The following CD2AP variants were observed in gnomAD, a reference collection of about 807,000 sequenced individuals.
CD2AP encodes the protein CD2 associated protein.
CD2AP carries 46 observed loss-of-function variants against 85.1 expected under a neutral mutation model. The ratio of observed to expected loss-of-function variants is 0.54; its 90% CI spans 0.43 to 0.69. The LOEUF is 0.69. CD2AP is among the 30% of genes least tolerant of loss of function. The probability of loss-of-function intolerance (pLI) is 0.00; values close to 1 mark genes in which losing one functional copy is unlikely to be tolerated. For synonymous variants in CD2AP, 255 were observed against 252.9 expected (o/e 1.01, Z -0.08); for missense variants, 769 against 729.5 (o/e 1.05, Z -0.62).
At chr6:47,540,221 G>GT (rs888056941) in intron 3 of CD2AP, among the ~76,000 whole-genome samples, 50 of 149,764 alleles carry the variant, frequency 3.3e-4, no homozygotes, top group African/African-American at 1.0e-3. Context: ...TAGTTACAGT[G>GT]TTTTTTTTAA....
intron 17 of CD2AP, among the ~76,000 whole-genome samples, chr6:47,619,912 C>T (rs976910564): frequency 3.7e-4 from 56 of 151,910 alleles, no homozygotes; most frequent in African/African-American, 1.1e-3. Context: ...CTTTTTGATG[C>T]GATTGTTTTT....
At chr6:47,581,873 A>C in intron 10 of CD2AP, 130 bp from the exon 11 acceptor site, 1 of 671,324 alleles carries the variant, frequency 1.5e-6, no homozygotes. Flanking sequence ...ATTCCGGTAC[A>C]TTGTTCTTTC....
chr6:47,523,098 G>C lies in CD2AP; in HGVS notation c.166-10504G>C, dbSNP rs1463120580. Reference sequence around the variant, plus strand: ...TAAAAATCTTTTGCTTTATGAAACTGTTAGATCTTTTGGATGGATGTCAGT... The same window carrying C: ...TAAAAATCTTTTGCTTTATGAAACTCTTAGATCTTTTGGATGGATGTCAGT... On this transcript the variant is annotated intron_variant, in intron 2 of 17. Coordinates refer to ENST00000359314, the MANE Select transcript of CD2AP (RefSeq NM_012120.3). Among the ~76,000 whole-genome samples, 7 of 152,118 alleles carry C rather than the reference G, an allele frequency of 4.6e-5. 1 individual carries two copies. Among genetic ancestry groups the C allele is most frequent in the Admixed American group, 4.6e-4 (7 of 15,274 alleles).
At position 47,490,794 on chromosome 6, in the gene CD2AP, AAG is replaced by A. The variant is rs1255077723; in HGVS notation, c.5-12483_5-12482del. The stretch of plus-strand genomic sequence containing the variant: ...CTCTTTTTCTCTTTGGATATGTGCT[AAG>A]AGTGTATTGTACTATGCAAACCTTT... On this transcript the variant is annotated intron_variant, in intron 1 of 17. Transcript: ENST00000359314. Among the ~76,000 whole-genome samples, 13 of 152,236 alleles carry A rather than the reference AAG, an allele frequency of 8.5e-5. No individual in the cohort carries two copies. The East Asian group carries it at 2.3e-3, about 27-fold the overall frequency.
rs1002564845 is a variant in CD2AP at position 47,624,537 on chromosome 6, A to G, written c.*310A>G. ...CAGTAGTTTTTTTATTGAAACTTGTATTATTTTTAAAGAGATCTATACTAT... is the reference window on the plus strand; with the variant it reads ...CAGTAGTTTTTTTATTGAAACTTGTGTTATTTTTAAAGAGATCTATACTAT... On this transcript the variant is annotated 3_prime_UTR_variant, in exon 18 of 18. Coordinates refer to ENST00000359314, the MANE Select transcript of CD2AP (RefSeq NM_012120.3). 4 of 307,998 alleles carry G rather than the reference A, an allele frequency of 1.3e-5. No homozygotes were observed. Among genetic ancestry groups the G allele is most frequent in the Non-Finnish European group, 2.4e-5 (4 of 165,354 alleles). 19.1% of individuals were successfully genotyped at this position (307,998 alleles called of 1,614,324 possible). A position where few individuals can be genotyped will look rare whatever the true frequency, so the allele number is the denominator to read the frequency against.
intron 5 of CD2AP, chr6:47,562,815 G>T: frequency 8.7e-7 from 1 of 1,153,466 alleles, no homozygotes; most frequent in Non-Finnish European, 1.3e-6. Context: ...TCAAGTTGGT[G>T]GAGGCCCTTG....
chr6:47,600,914 ATCTTTATCACATAAG>A (rs1204658876), intron 13 of CD2AP, among the ~76,000 whole-genome samples: 1 of 151,844 alleles, frequency 6.6e-6, no homozygotes, highest in Non-Finnish European at 1.5e-5. Context: ...AATTTGGGGG[ATCTTTATCACATAAG>A]TCTTTAAATG....
chr6:47,553,669 A>T (rs1767593555), intron 4 of CD2AP, among the ~76,000 whole-genome samples: 1 of 151,964 alleles, frequency 6.6e-6, no homozygotes, highest in African/African-American at 2.4e-5. Context: ...CCTGGCCTAA[A>T]AAATTGTTTT....
intron 16 of CD2AP, 132 bp downstream of exon 16, chr6:47,609,436 G>T: frequency 1.4e-6 from 1 of 698,466 alleles, no homozygotes; most frequent in Non-Finnish European, 2.5e-6. Flanking sequence ...CAGCACTTTG[G>T]GAGACCAAGT....
In CD2AP at chr6:47,607,844, T is replaced by A. The variant is rs778609069; in HGVS notation, c.1531-83T>A. 14 of 873,834 alleles carry A rather than the reference T, an allele frequency of 1.6e-5. No individual in the cohort carries two copies. The Admixed American group carries it at 2.8e-4, about 17-fold the overall frequency. 54.1% of individuals were successfully genotyped at this position (873,834 alleles called of 1,614,324 possible). ...AGTAGCAGCTGAAAATCCATAAAAGTTATTTGCTTTATTATCCAAAGACTT... is the reference window on the plus strand; with the variant it reads ...AGTAGCAGCTGAAAATCCATAAAAGATATTTGCTTTATTATCCAAAGACTT... On this transcript the variant is annotated intron_variant, in intron 14 of 17. Transcript: ENST00000359314.
Position 47,574,199 on chromosome 6 carries a change from A to G in CD2AP, c.677A>G (p.Lys226Arg). 1 of 1,614,106 alleles carries G rather than the reference A, an allele frequency of 6.2e-7. No homozygotes were observed. The highest frequency in any genetic ancestry group is 8.5e-7 in the Non-Finnish European group (1 of 1,179,982). ...FGDIFKEGSV[K>R]LRTRTSSSET... Reference sequence around the variant, plus strand: ...GACATTTTTAAAGAAGGCTCTGTGAAACTTCGGACAAGAACATCCAGTAGT... The same window carrying G: ...GACATTTTTAAAGAAGGCTCTGTGAGACTTCGGACAAGAACATCCAGTAGT... The change falls in exon 6 of 18, where the codon AAA becomes AGA. Residue 226 changes from lysine to arginine, a missense_variant. Transcript: ENST00000359314.
chr6:47,620,845 T>G (rs1769723819), intron 17 of CD2AP, among the ~76,000 whole-genome samples: 1 of 152,182 alleles, frequency 6.6e-6, no homozygotes, highest in Admixed American at 6.5e-5. Context: ...TTTGATTCTC[T>G]GCTTGGTTGT....
At chr6:47,488,329 G>A (rs4715022) in intron 1 of CD2AP, among the ~76,000 whole-genome samples, 93,024 of 151,854 alleles carry the variant, frequency 0.61, 29,225 homozygotes, top group Middle Eastern at 0.74. Context: ...AATCTTTAAG[G>A]TAGGTGTTGT....
Position 47,619,543 on chromosome 6 carries a change from C to G in CD2AP, c.1879-4643C>G, listed in dbSNP as rs1769689524. On this transcript the variant is annotated intron_variant, in intron 17 of 17. Transcript: ENST00000359314. ...GCTGTAAACATGTGTGTGCAAGTAT[C>G]TTTTTCGAATAATGACTTCTTTTCC... 2.1e-5 allele frequency among the ~76,000 whole-genome samples: 3 copies of G among 145,130 alleles called. No homozygotes were observed. The South Asian group carries it at 6.4e-4, about 31-fold the overall frequency.
At chr6:47,565,150 A>G (rs1440684164) in intron 5 of CD2AP, among the ~76,000 whole-genome samples, 1 of 152,124 alleles carries the variant, frequency 6.6e-6, no homozygotes, top group Non-Finnish European at 1.5e-5. Context: ...ACTGTAGGAT[A>G]AAAGTTTTAA....
At chr6:47,484,755 T>G (rs1446210118) in intron 1 of CD2AP, among the ~76,000 whole-genome samples, 1 of 152,198 alleles carries the variant, frequency 6.6e-6, no homozygotes, top group African/African-American at 2.4e-5. Flanking sequence ...TTCCAGTATC[T>G]GTTTTAGTGC....
At chr6:47,589,563 C>CATATATAT (rs1346907208) in intron 11 of CD2AP, among the ~76,000 whole-genome samples, 3 of 46,596 alleles carry the variant, frequency 6.4e-5, no homozygotes, top group African/African-American at 1.9e-4. Context: ...CACACACACA[C>CATATATAT]ACATATATAT....
rs147188917 is a variant in CD2AP, at chr6:47,579,415, G to A, written c.934G>A (p.Glu312Lys). 3.6e-5 allele frequency: 58 copies of A among 1,612,864 alleles called. No individual in the cohort carries two copies. Among genetic ancestry groups the A allele is most frequent in the South Asian group, 1.8e-4 (16 of 91,030 alleles). Residue 312 changes from glutamate to lysine, a missense_variant, in exon 9 of 18, where the codon GAA (glutamate) becomes AAA (lysine). Glu to Lys is a moderately conservative substitution (Grantham distance 56, BLOSUM62 1). Coordinates refer to ENST00000359314, the MANE Select transcript of CD2AP (RefSeq NM_012120.3). ...ETGEAGWWRGELNGKEGVFPD... is the reference protein window; with the variant it reads ...ETGEAGWWRGKLNGKEGVFPD... Reference sequence around the variant, plus strand: ...TGGAGAAGCTGGCTGGTGGAGGGGCGAACTTAATGGTAAAGAAGGAGTATT... The same window carrying A: ...TGGAGAAGCTGGCTGGTGGAGGGGCAAACTTAATGGTAAAGAAGGAGTATT...
At chr6:47,534,566 G>A (rs987093931) in intron 3 of CD2AP, among the ~76,000 whole-genome samples, 1 of 152,066 alleles carries the variant, frequency 6.6e-6, no homozygotes, top group African/African-American at 2.4e-5. Flanking sequence ...TTAGCCGGGC[G>A]TGGAGGAACT....
Sources: gnomAD v4.1 joint callset for allele counts (sites outside exome capture counted in the v4.1 genomes callset) on GRCh38, gnomAD v4.1.1 for gene constraint, MANE v1.5 for transcripts, NCBI Gene and HGNC (gene_info 2026-07-23, HGNC 2026-07-21) for gene names.